SNTG1: variants seen among roughly 807,000 people sequenced by gnomAD.
The protein encoded by SNTG1 is syntrophin gamma 1.
In SNTG1, 39 loss-of-function variants were observed where a neutral mutation model predicts 74.7. That is an observed-to-expected ratio of 0.52 (90% confidence interval 0.40 to 0.68). The LOEUF is 0.68. SNTG1 is among the 30% of genes least tolerant of loss of function. SNTG1 has a pLI of 0.00. For missense variants in SNTG1, 685 were observed against 609.5 expected (o/e 1.12, Z -1.30); for synonymous variants, 254 against 217.1 (o/e 1.17, Z -1.49).
intron 15 of SNTG1, among the ~76,000 whole-genome samples, chr8:50,660,128 C>T (rs1185111541): frequency 6.6e-6 from 1 of 151,768 alleles, no homozygotes; most frequent in Non-Finnish European, 1.5e-5. Flanking sequence ...GCATGAGCCA[C>T]CGCGCCAGGG....
intron 17 of SNTG1, among the ~76,000 whole-genome samples, chr8:50,728,596 A>G (rs1007487510): frequency 2.6e-5 from 4 of 152,132 alleles, no homozygotes; most frequent in African/African-American, 9.7e-5. Context: ...TTTGGCTTCT[A>G]TTGGTGACAG....
chr8:50,796,594 T>A lies in SNTG1; in HGVS notation c.*3765T>A, dbSNP rs1405967703. 1 of 152,062 alleles carries A rather than the reference T, an allele frequency of 6.6e-6. No homozygotes were observed. Among genetic ancestry groups the A allele is most frequent in the East Asian group, 1.9e-4 (1 of 5,186 alleles). 9.4% of individuals were successfully genotyped at this position (152,062 alleles called of 1,614,324 possible). A position where few individuals can be genotyped will look rare whatever the true frequency, so the allele number is the denominator to read the frequency against. The stretch of plus-strand genomic sequence containing the variant: ...TAAATTAATATCTGTGACAAAAATT[T>A]GTCACTTCATTCTTTCAGTTCATTA... On this transcript the variant is annotated 3_prime_UTR_variant, in exon 19 of 19. Coordinates refer to ENST00000642720, the MANE Select transcript of SNTG1 (RefSeq NM_018967.5).
intron 1 of SNTG1, among the ~76,000 whole-genome samples, chr8:49,923,387 A>C (rs1189179723): frequency 6.6e-6 from 1 of 152,176 alleles, no homozygotes; most frequent in African/African-American, 2.4e-5. Flanking sequence ...AAGCCTAGAA[A>C]TTATTTACAT....
At chr8:50,186,227 C>T (rs2083379356) in intron 2 of SNTG1, among the ~76,000 whole-genome samples, 1 of 152,112 alleles carries the variant, frequency 6.6e-6, no homozygotes, top group South Asian at 2.1e-4. Context: ...ATATGTGCCA[C>T]ATTTTCTTTA....
At chr8:50,558,995 G>C (rs186964133) in intron 12 of SNTG1, among the ~76,000 whole-genome samples, 1 of 152,080 alleles carries the variant, frequency 6.6e-6, no homozygotes, top group Non-Finnish European at 1.5e-5. Flanking sequence ...TTAGAAACAG[G>C]AAGTACATGT....
intron 1 of SNTG1, among the ~76,000 whole-genome samples, chr8:50,122,830 TG>T (rs1157150942): frequency 7.0e-6 from 1 of 142,150 alleles, no homozygotes; most frequent in Non-Finnish European, 1.6e-5. Context: ...AAAACCAAAT[TG>T]TATGAGCTCT....
At chr8:50,538,374 T>G (rs2094322355) in intron 11 of SNTG1, among the ~76,000 whole-genome samples, 1 of 152,144 alleles carries the variant, frequency 6.6e-6, no homozygotes, top group Non-Finnish European at 1.5e-5. Flanking sequence ...TTTCAAAGCT[T>G]CTTTTACCGC....
At chr8:49,934,279 A>T (rs1247798694) in intron 1 of SNTG1, among the ~76,000 whole-genome samples, 2 of 131,538 alleles carry the variant, frequency 1.5e-5, no homozygotes, top group Non-Finnish European at 3.2e-5. Flanking sequence ...TATACTATAT[A>T]GATCTATCTA....
At chr8:50,567,422 T>C (rs543704450) in intron 12 of SNTG1, among the ~76,000 whole-genome samples, 1 of 152,240 alleles carries the variant, frequency 6.6e-6, no homozygotes, top group African/African-American at 2.4e-5. Flanking sequence ...CTATATACCC[T>C]ATATGTGTTG....
intron 14 of SNTG1, among the ~76,000 whole-genome samples, chr8:50,658,028 A>C (rs1009341348): frequency 2.0e-5 from 3 of 152,162 alleles, no homozygotes; most frequent in African/African-American, 7.2e-5. Flanking sequence ...CACTAGGAAG[A>C]CAGAGGAAAA....
intron 1 of SNTG1, among the ~76,000 whole-genome samples, chr8:50,165,146 G>A (rs2082568983): frequency 6.6e-6 from 1 of 152,076 alleles, no homozygotes; most frequent in African/African-American, 2.4e-5. Flanking sequence ...AGCTTCACAG[G>A]CATAGCTTTG....
chr8:50,216,197 C>T (rs1189418673), intron 2 of SNTG1, among the ~76,000 whole-genome samples: 1 of 152,134 alleles, frequency 6.6e-6, no homozygotes, highest in Non-Finnish European at 1.5e-5. Context: ...TCTTTAAAAG[C>T]CACAAAAGGA....
At chr8:50,701,377 C>A (rs2095423008) in intron 15 of SNTG1, among the ~76,000 whole-genome samples, 1 of 152,190 alleles carries the variant, frequency 6.6e-6, no homozygotes, top group Non-Finnish European at 1.5e-5. Context: ...TCCCTAGCTT[C>A]AGCTCTCAAT....
intron 13 of SNTG1, among the ~76,000 whole-genome samples, chr8:50,652,958 G>A (rs559986688): frequency 2.0e-4 from 31 of 151,640 alleles, no homozygotes; most frequent in African/African-American, 6.3e-4. Context: ...TTAGATCTAC[G>A]TTTTCTAATA....
chr8:50,545,189 A>G (rs1016359660), intron 11 of SNTG1, among the ~76,000 whole-genome samples: 1 of 151,878 alleles, frequency 6.6e-6, no homozygotes, highest in Non-Finnish European at 1.5e-5. Context: ...AATTGCAACC[A>G]AGTTGTGTTA....
chr8:49,962,005 C>T lies in SNTG1; in HGVS notation c.-103+49774C>T, dbSNP rs138511164. 9.2e-5 allele frequency among the ~76,000 whole-genome samples: 14 copies of T among 152,292 alleles called. No homozygotes were observed. The Middle Eastern group carries it at 0.01, about 111-fold the overall frequency. On this transcript the variant is annotated intron_variant, in intron 1 of 18. Transcript: ENST00000642720. ...CAAGAAAAGCCATGTCAATGGCAGC[C>T]GGACAAACATTCTCCAGCTTCCCCT...
intron 4 of SNTG1, among the ~76,000 whole-genome samples, chr8:50,403,253 A>G (rs1056395118): frequency 1.3e-5 from 2 of 152,210 alleles, no homozygotes; most frequent in Admixed American, 1.3e-4. Flanking sequence ...TTGGTGGTGA[A>G]TAATGCTGAA....
intron 16 of SNTG1, among the ~76,000 whole-genome samples, chr8:50,706,536 T>TA (rs1465504048): frequency 3.3e-5 from 5 of 152,188 alleles, no homozygotes; most frequent in Non-Finnish European, 7.4e-5. Flanking sequence ...TAGATAGAGA[T>TA]AAAATCTTTG....
chr8:50,712,245 G>A (rs1333145148), intron 17 of SNTG1, among the ~76,000 whole-genome samples: 1 of 152,130 alleles, frequency 6.6e-6, no homozygotes, highest in Non-Finnish European at 1.5e-5. Flanking sequence ...CATGGAATTT[G>A]AGGGAAGAGG....
Sources: gnomAD v4.1 joint callset for allele counts (sites outside exome capture counted in the v4.1 genomes callset) on GRCh38, gnomAD v4.1.1 for gene constraint, MANE v1.5 for transcripts, NCBI Gene and HGNC (gene_info 2026-07-23, HGNC 2026-07-21) for gene names.